SEMA3E: variants seen among roughly 807,000 people sequenced by gnomAD.
SEMA3E encodes semaphorin-3E.
SEMA3E carries 49 observed loss-of-function variants against 93.6 expected under a neutral mutation model. The observed-to-expected ratio is 0.52, with a 90% CI of 0.42 to 0.66. The LOEUF (loss-of-function observed/expected upper bound fraction) is 0.66. SEMA3E is among the 30% of genes least tolerant of loss of function. SEMA3E has a pLI of 0.00. For missense variants in SEMA3E, 906 were observed against 964.8 expected, an observed-to-expected ratio of 0.94 and a Z score of 0.81; for synonymous variants, 363 against 330.7, an observed-to-expected ratio of 1.10 and a Z score of -1.06.
chr7:83,487,294 C>T (rs1790278502), intron 2 of SEMA3E, among the ~76,000 whole-genome samples: 1 of 152,004 alleles, frequency 6.6e-6, no homozygotes, highest in Admixed American at 6.6e-5. Flanking sequence ...CATGAGTCAC[C>T]TATTTGTTAT....
chr7:83,437,524 C>CT (rs1439453330), intron 4 of SEMA3E, among the ~76,000 whole-genome samples: 1 of 151,862 alleles, frequency 6.6e-6, no homozygotes, highest in Non-Finnish European at 1.5e-5. Context: ...GGCTTTCTTT[C>CT]TTATTTTAAA....
intron 1 of SEMA3E, among the ~76,000 whole-genome samples, chr7:83,596,773 A>G (rs1046006241): frequency 7.2e-5 from 11 of 152,130 alleles, no homozygotes; most frequent in Non-Finnish European, 1.3e-4. Context: ...CTCTGATCTC[A>G]TGATGGCATC....
At chr7:83,483,748 T>C (rs1385329653) in intron 2 of SEMA3E, among the ~76,000 whole-genome samples, 1 of 151,976 alleles carries the variant, frequency 6.6e-6, no homozygotes, top group East Asian at 1.9e-4. Context: ...AGGAAGGAGG[T>C]GGGAAACATC....
chr7:83,512,518 T>G (rs184054127), intron 1 of SEMA3E, among the ~76,000 whole-genome samples: 2 of 152,174 alleles, frequency 1.3e-5, no homozygotes, highest in Admixed American at 6.5e-5. Flanking sequence ...AAAAAAGATA[T>G]TACGTTTTGT....
intron 1 of SEMA3E, among the ~76,000 whole-genome samples, chr7:83,592,301 A>G (rs764875563): frequency 6.6e-6 from 1 of 152,126 alleles, no homozygotes; most frequent in Non-Finnish European, 1.5e-5. Flanking sequence ...GAATAAATAT[A>G]TACTTAAAGT....
chr7:83,603,773 C>T (rs1022049103), intron 1 of SEMA3E, among the ~76,000 whole-genome samples: 4 of 152,094 alleles, frequency 2.6e-5, no homozygotes, highest in African/African-American at 7.2e-5. Context: ...TAGAGCTTTG[C>T]ATTCTTCTAA....
At chr7:83,383,434 T>C (rs1787819615) in intron 16 of SEMA3E, among the ~76,000 whole-genome samples, 2 of 151,992 alleles carry the variant, frequency 1.3e-5, no homozygotes, top group African/African-American at 4.8e-5. Flanking sequence ...GCTTTGTGTA[T>C]ACATCATGTA....
At chr7:83,482,286 G>A (rs1790159308) in intron 2 of SEMA3E, among the ~76,000 whole-genome samples, 1 of 152,190 alleles carries the variant, frequency 6.6e-6, no homozygotes, top group African/African-American at 2.4e-5. Context: ...TTTGCAAGAG[G>A]CCAGGCGCAG....
At chr7:83,567,723 A>T (rs961747215) in intron 1 of SEMA3E, among the ~76,000 whole-genome samples, 1 of 152,082 alleles carries the variant, frequency 6.6e-6, no homozygotes, top group Non-Finnish European at 1.5e-5. Context: ...ATCCTGAAAC[A>T]TAATATACAA....
At chr7:83,646,166 T>C (rs1794077455) in intron 1 of SEMA3E, among the ~76,000 whole-genome samples, 1 of 152,126 alleles carries the variant, frequency 6.6e-6, no homozygotes, top group Non-Finnish European at 1.5e-5. Flanking sequence ...AAAGATTATA[T>C]ACTCATTTAA....
rs370805666 is a variant in SEMA3E, at chr7:83,545,533, A to T, written c.116-55259T>A. On this transcript the variant is annotated intron_variant, in intron 1 of 16. Coordinates refer to ENST00000643230, the MANE Select transcript of SEMA3E (RefSeq NM_012431.3). ...GCATAATTCCCCAGCTATTTAGGTCAAAACTGTTGAAGAGAAATGAAAAAA... is the reference window on the plus strand; with the variant it reads ...GCATAATTCCCCAGCTATTTAGGTCTAAACTGTTGAAGAGAAATGAAAAAA... Among the ~76,000 whole-genome samples the T allele has an allele frequency of 1.4e-4, 20 of 141,844 alleles. No individual in the cohort carries two copies. In the South Asian group the frequency reaches 4.1e-3, roughly 29 times the overall value. The allele number at this position is 141,844 out of a possible 152,430, so 93.1% of individuals were successfully genotyped here. A position where few individuals can be genotyped will look rare whatever the true frequency, so the allele number is the denominator to read the frequency against.
At chr7:83,369,345 T>G (rs1412368360) in intron 16 of SEMA3E, among the ~76,000 whole-genome samples, 1 of 152,200 alleles carries the variant, frequency 6.6e-6, no homozygotes, top group African/African-American at 2.4e-5. Flanking sequence ...CTGGCATAGA[T>G]GAAGTTTCAA....
In SEMA3E at chr7:83,402,673, A is replaced by C; in HGVS notation, c.1102T>G (p.Ser368Ala). ...TAAGGGACTTTTCCTTCATAGACTG[A>C]CCAGTGGTATTCAGGTCCTTCCTTA... is the stretch of plus-strand genomic sequence containing the variant. ...AHKEGPEYHW[S>A]VYEGKVPYPR... The change falls in exon 10 of 17, where the codon TCA (serine) becomes GCA (alanine). Residue 368 changes from serine to alanine, a missense_variant. Physicochemically the swap from Ser to Ala is moderately conservative, Grantham distance 99. Coordinates refer to ENST00000643230, the MANE Select transcript of SEMA3E (RefSeq NM_012431.3). The C allele has an allele frequency of 1.2e-6, 2 of 1,613,102 alleles. No individual in the cohort carries two copies.
chr7:83,432,863 G>GA (rs1255027227), intron 4 of SEMA3E, among the ~76,000 whole-genome samples: 1 of 152,064 alleles, frequency 6.6e-6, no homozygotes, highest in Non-Finnish European at 1.5e-5. Flanking sequence ...GATCAATACA[G>GA]AAAAAATAAT....
chr7:83,458,357 T>G (rs892346881), intron 4 of SEMA3E, among the ~76,000 whole-genome samples: 3 of 151,666 alleles, frequency 2.0e-5, no homozygotes, highest in Admixed American at 6.6e-5. Context: ...TATTTATTTA[T>G]TTTTAAAAAC....
intron 1 of SEMA3E, among the ~76,000 whole-genome samples, chr7:83,573,228 AT>A (rs1792323370): frequency 6.6e-6 from 1 of 152,154 alleles, no homozygotes; most frequent in African/African-American, 2.4e-5. Context: ...TTAAAAATAG[AT>A]AAAATACATA....
At position 83,545,666 on chromosome 7, in the gene SEMA3E, C is replaced by T. The variant is rs528412425; in HGVS notation, c.116-55392G>A. On this transcript the variant is annotated intron_variant, in intron 1 of 16. Transcript: ENST00000643230. ...TGTTAAGGACATTTGACAGGGCTCT[C>T]TTGCCTCTACTGGGGATAAGTCAGA... 2.7e-5 allele frequency among the ~76,000 whole-genome samples: 4 copies of T among 150,584 alleles called. No homozygotes were observed. The South Asian group carries it at 8.4e-4, about 31-fold the overall frequency.
chr7:83,553,976 C>T (rs1413178015), intron 1 of SEMA3E, among the ~76,000 whole-genome samples: 1 of 152,028 alleles, frequency 6.6e-6, no homozygotes, highest in Non-Finnish European at 1.5e-5. Flanking sequence ...CTTTCCCTAT[C>T]CTTTTTAACT....
chr7:83,403,908 T>G (rs2115633054), intron 9 of SEMA3E, among the ~76,000 whole-genome samples: 1 of 152,030 alleles, frequency 6.6e-6, no homozygotes, highest in South Asian at 2.1e-4. Flanking sequence ...GTTCTCAGAT[T>G]TATATAAATT....
Sources: gnomAD v4.1 joint callset for allele counts (sites outside exome capture counted in the v4.1 genomes callset) on GRCh38, gnomAD v4.1.1 for gene constraint, MANE v1.5 for transcripts, NCBI Gene and HGNC (gene_info 2026-07-23, HGNC 2026-07-21) for gene names.